The following SENP6 variants were observed in gnomAD, a reference collection of about 807,000 sequenced individuals.
SENP6 encodes the protein SUMO specific peptidase 6.
A neutral mutation model predicts 134.5 loss-of-function variants in SENP6; 41 were observed. The ratio of observed to expected loss-of-function variants is 0.30; its 90% confidence interval spans 0.24 to 0.40. SENP6 has a LOEUF of 0.40. Ranked by LOEUF, SENP6 falls within the 10% of genes least tolerant of loss-of-function variation. SENP6 has a pLI of 1.00. For synonymous variants in SENP6, 395 were observed against 429.8 expected, an observed-to-expected ratio of 0.92 and a Z score of 1.00; for missense variants, 1,248 against 1,312.5, an observed-to-expected ratio of 0.95 and a Z score of 0.76.
In SENP6 at chr6:75,650,552, T is replaced by C. The variant is rs1275695684; in HGVS notation, c.550+2751T>C. ...TCTGTAGGGAAGATCTGTACCTTCCTGATATATTTATTGATGATTATTAAT... is the reference window on the plus strand; with the variant it reads ...TCTGTAGGGAAGATCTGTACCTTCCCGATATATTTATTGATGATTATTAAT... On this transcript the variant is annotated intron_variant, in intron 7 of 23. Coordinates refer to ENST00000447266, the MANE Select transcript of SENP6 (RefSeq NM_015571.4). Among the ~76,000 whole-genome samples, 3 of 152,184 alleles carry C rather than the reference T, an allele frequency of 2.0e-5. No individual in the cohort carries two copies. The East Asian group carries it at 5.8e-4, about 29-fold the overall frequency.
In SENP6 at chr6:75,716,517, A is replaced by C. The variant is rs2149911044; in HGVS notation, c.*923A>C. On this transcript the variant is annotated 3_prime_UTR_variant, in exon 24 of 24. Transcript: ENST00000447266. ...CATTTTGTTCTTATTATTTTGATAA[A>C]GTATCAGACTTTTTGCTTGAGTTCT... 6.6e-6 allele frequency: 1 copy of C among 152,120 alleles called. No individual in the cohort carries two copies. The highest frequency in any genetic ancestry group is 3.4e-3 in the Middle Eastern group (1 of 294). 9.4% of individuals were successfully genotyped at this position (152,120 alleles called of 1,614,324 possible).
intron 9 of SENP6, among the ~76,000 whole-genome samples, chr6:75,666,270 A>G (rs962401999): frequency 6.8e-6 from 1 of 147,486 alleles, no homozygotes; most frequent in Non-Finnish European, 1.5e-5. Flanking sequence ...TATATAAAAT[A>G]TATATTATAT....
At chr6:75,661,770 C>T (rs1271355883) in intron 8 of SENP6, among the ~76,000 whole-genome samples, 3 of 152,050 alleles carry the variant, frequency 2.0e-5, no homozygotes, top group East Asian at 3.9e-4. Context: ...ATCTGTGGGC[C>T]GGGCACAGTG....
At position 75,676,030 on chromosome 6, in the gene SENP6, T is replaced by A; in HGVS notation, c.1597T>A (p.Cys533Ser). 1.9e-6 allele frequency: 3 copies of A among 1,601,628 alleles called. No individual in the cohort carries two copies. Among genetic ancestry groups the A allele is most frequent in the Non-Finnish European group, 2.6e-6 (3 of 1,175,522 alleles). Residue 533 changes from cysteine (C) to serine (S), a missense_variant, in exon 13 of 24, where the codon TGT (cysteine) becomes AGT (serine). Cys to Ser is a moderately radical substitution (Grantham distance 112). Transcript: ENST00000447266. ...TAAGGAGGATAAAGTTTGGAATGAT[T>A]GTAAAGGAGTAAATAAATTAACAAG... is the stretch of plus-strand genomic sequence containing the variant. ...MNKEDKVWND[C>S]KGVNKLTNLE...
intron 1 of SENP6, among the ~76,000 whole-genome samples, chr6:75,617,898 A>G (rs111346660): frequency 6.6e-6 from 1 of 152,190 alleles, no homozygotes; most frequent in Non-Finnish European, 1.5e-5. Flanking sequence ...TATTTTATAC[A>G]GTGTCCCTCA....
intron 19 of SENP6, among the ~76,000 whole-genome samples, chr6:75,703,277 G>A (rs1775166781): frequency 6.6e-6 from 1 of 151,496 alleles, no homozygotes; most frequent in African/African-American, 2.4e-5. Flanking sequence ...GCAACATAGC[G>A]AGACCCAATC....
At chr6:75,631,774 C>T (rs146739590) in intron 3 of SENP6, among the ~76,000 whole-genome samples, 5 of 152,316 alleles carry the variant, frequency 3.3e-5, no homozygotes, top group Non-Finnish European at 4.4e-5. Context: ...ACTTTTAGCC[C>T]TTGGCAGAAA....
At chr6:75,701,714 A>G (rs1299238449) in intron 18 of SENP6, among the ~76,000 whole-genome samples, 1 of 130,970 alleles carries the variant, frequency 7.6e-6, no homozygotes, top group Admixed American at 1.0e-4. Flanking sequence ...ATCTCAGCTC[A>G]CTGCAACCTC....
chr6:75,675,801 C>T lies in SENP6; in HGVS notation c.1427-59C>T. On this transcript the variant is annotated intron_variant, in intron 12 of 23. Transcript: ENST00000447266. ...AAACTTGTATTTCCTCACAATTTCC[C>T]CCATTCATGATATTACCCTCTTAAG... The T allele has an allele frequency of 2.2e-6, 3 of 1,385,150 alleles. No homozygotes were observed. In the South Asian group the frequency reaches 3.9e-5, roughly 18 times the overall value. 85.8% of individuals were successfully genotyped at this position (1,385,150 alleles called of 1,614,324 possible).
At chr6:75,622,140 GA>G (rs1247028151) in intron 2 of SENP6, among the ~76,000 whole-genome samples, 1 of 152,186 alleles carries the variant, frequency 6.6e-6, no homozygotes, top group Non-Finnish European at 1.5e-5. Flanking sequence ...TACCCAGACA[GA>G]AGTTAAGCAA....
At chr6:75,686,766 A>T (rs1043379295) in intron 16 of SENP6, among the ~76,000 whole-genome samples, 5 of 152,170 alleles carry the variant, frequency 3.3e-5, no homozygotes, top group Admixed American at 3.3e-4. Context: ...CGAGAGATCC[A>T]CTGTTAGTCT....
chr6:75,679,147 C>T, intron 16 of SENP6: 1 of 413,318 alleles, frequency 2.4e-6, no homozygotes. Flanking sequence ...AGATATCTGG[C>T]TTATGTCTAT....
rs193188039 is a variant in SENP6, at chr6:75,704,465, A to G, written c.2716+1393A>G. ...TCAGTGGAGTAAAGAATAACAAAGG[A>G]GCATTGCTGCCAACATGTCTCGCCT... On this transcript the variant is annotated intron_variant, in intron 19 of 23. Coordinates refer to ENST00000447266, the MANE Select transcript of SENP6 (RefSeq NM_015571.4). Among the ~76,000 whole-genome samples the G allele has an allele frequency of 2.5e-3, 375 of 152,318 alleles. 2 individuals are homozygous for G. The highest frequency in any genetic ancestry group is 3.9e-3 in the Non-Finnish European group (264 of 68,030).
chr6:75,715,521 A>C lies in SENP6; in HGVS notation c.3266A>C (p.His1089Pro). 1 of 1,613,550 alleles carries C rather than the reference A, an allele frequency of 6.2e-7. No homozygotes were observed. The highest frequency in any genetic ancestry group is 8.5e-7 in the Non-Finnish European group (1 of 1,179,558). The change falls in exon 24 of 24, where the codon CAT (histidine) becomes CCT (proline). Residue 1089 changes from histidine to proline, a missense_variant. Around this residue, in one of 3 missense-constraint regions of SENP6, gnomAD observed 386 missense variants for 395.0 expected, o/e 0.98. Coordinates refer to ENST00000447266, the MANE Select transcript of SENP6 (RefSeq NM_015571.4). ...QEDQSKEKRK[H>P]KDTYSTEAPL... is the part of the protein sequence containing the mutation. ...GATCAGAGCAAAGAGAAAAGAAAGC[A>C]TAAGGACACTTACTCAACAGAAGCA...
In SENP6 at chr6:75,602,437, A is replaced by G. The variant is rs2149813762; in HGVS notation, c.-88A>G. 2 of 1,464,980 alleles carry G rather than the reference A, an allele frequency of 1.4e-6. No individual in the cohort carries two copies. Among genetic ancestry groups the G allele is most frequent in the Non-Finnish European group, 9.3e-7 (1 of 1,075,446 alleles). 90.7% of individuals were successfully genotyped at this position (1,464,980 alleles called of 1,614,324 possible). On this transcript the variant is annotated 5_prime_UTR_variant, in exon 1 of 24. Coordinates refer to ENST00000447266, the MANE Select transcript of SENP6 (RefSeq NM_015571.4). ...CGAGGCCCGCAACCCTGCGGCGTCT[A>G]CCCTCCTCCGGCGCGGCCCCTCATC...
intron 1 of SENP6, among the ~76,000 whole-genome samples, chr6:75,605,968 G>A (rs908969446): frequency 1.3e-5 from 2 of 152,146 alleles, no homozygotes; most frequent in Non-Finnish European, 2.9e-5. Flanking sequence ...ATGTTTGGAT[G>A]TAGAGCTTAC....
At chr6:75,620,188 G>A (rs1266415821) in intron 1 of SENP6, among the ~76,000 whole-genome samples, 2 of 151,986 alleles carry the variant, frequency 1.3e-5, no homozygotes, top group Non-Finnish European at 2.9e-5. Context: ...GTGATGCTGA[G>A]CATCTTTTCA....
At chr6:75,641,829 A>G (rs1770052708) in intron 6 of SENP6, among the ~76,000 whole-genome samples, 1 of 151,400 alleles carries the variant, frequency 6.6e-6, no homozygotes, top group African/African-American at 2.4e-5. Flanking sequence ...AAATAAAATA[A>G]TTGGCCTGGA....
At chr6:75,701,297 A>C (rs1023855119) in intron 18 of SENP6, among the ~76,000 whole-genome samples, 1 of 152,172 alleles carries the variant, frequency 6.6e-6, no homozygotes, top group Non-Finnish European at 1.5e-5. Context: ...AATATTAGCC[A>C]GGACTGTACA....
Sources: allele counts gnomAD v4.1 joint callset (sites outside exome capture counted in the v4.1 genomes callset), GRCh38; gene constraint gnomAD v4.1.1; regional missense constraint gnomAD v4.1.1; transcripts MANE v1.5; gene names NCBI Gene and HGNC (gene_info 2026-07-23, HGNC 2026-07-21).